The following TMEM132D variants were observed in gnomAD, a reference collection of about 807,000 sequenced individuals.
TMEM132D encodes the protein transmembrane protein 132D, also known as mature OL transmembrane protein.
A neutral mutation model predicts 62.3 loss-of-function variants in TMEM132D; 21 were observed. The observed-to-expected ratio is 0.34, with a 90% CI of 0.24 to 0.49. The LOEUF (loss-of-function observed/expected upper bound fraction) is 0.49. TMEM132D is among the 20% of genes least tolerant of loss of function. The pLI, the probability that TMEM132D is intolerant of heterozygous loss-of-function variation, is 0.99. For synonymous variants in TMEM132D, 621 were observed against 575.6 expected (o/e 1.08, Z -1.13); for missense variants, 1,346 against 1,402.8 (o/e 0.96, Z 0.65).
At chr12:129,111,718 C>A (rs1010410238) in intron 5 of TMEM132D, 5 of 152,216 alleles carry the variant, frequency 3.3e-5, no homozygotes, top group Admixed American at 6.5e-5. Context: ...AGTCTCTCAA[C>A]AAAAGCCTAG....
chr12:129,793,263 T>C (rs1035959838), intron 1 of TMEM132D, among the ~76,000 whole-genome samples: 14 of 152,174 alleles, frequency 9.2e-5, no homozygotes, highest in African/African-American at 3.1e-4. Flanking sequence ...AAGGATTCTC[T>C]AGTAATATAG....
chr12:129,131,070 C>T (rs987316883), intron 5 of TMEM132D, among the ~76,000 whole-genome samples: 10 of 152,142 alleles, frequency 6.6e-5, no homozygotes, highest in African/African-American at 2.4e-4. Flanking sequence ...ATTTGGGAGA[C>T]CTACTGGCAA....
chr12:129,770,145 T>TTG (rs1281588877), intron 1 of TMEM132D, among the ~76,000 whole-genome samples: 17 of 138,654 alleles, frequency 1.2e-4, no homozygotes, highest in Non-Finnish European at 1.7e-4. Context: ...TTTTGGTTGT[T>TTG]TTTTTTTTTT....
chr12:129,628,937 TCTC>T (rs1280887275), intron 2 of TMEM132D, among the ~76,000 whole-genome samples: 1 of 150,186 alleles, frequency 6.7e-6, no homozygotes, highest in African/African-American at 2.5e-5. Context: ...TTTCTCTCTC[TCTC>T]CTCTCTTTCT....
chr12:129,697,241 T>A (rs1593124225), intron 2 of TMEM132D, among the ~76,000 whole-genome samples: 1 of 152,174 alleles, frequency 6.6e-6, no homozygotes, highest in East Asian at 1.9e-4. Context: ...GGCTGGATCC[T>A]TGAGGGTTAT....
chr12:129,490,247 T>C (rs1874725346), intron 3 of TMEM132D, among the ~76,000 whole-genome samples: 1 of 152,124 alleles, frequency 6.6e-6, no homozygotes, highest in Non-Finnish European at 1.5e-5. Context: ...CAAAAAACTC[T>C]TCTACATCCA....
At chr12:129,415,841 C>A (rs1872104323) in intron 3 of TMEM132D, among the ~76,000 whole-genome samples, 1 of 152,200 alleles carries the variant, frequency 6.6e-6, no homozygotes, top group Non-Finnish European at 1.5e-5. Context: ...GCACCCAACC[C>A]TCCCTTTCCT....
At position 129,832,172 on chromosome 12, in the gene TMEM132D, C is replaced by T. The variant is rs149414627; in HGVS notation, c.79+71089G>A. On this transcript the variant is annotated intron_variant, in intron 1 of 8. Transcript: ENST00000422113. Reference sequence around the variant, plus strand: ...AAAGAGCTGGGATTACAGGTGTCAGCCACTGCACCTGGCCGTTTTGTAGCA... The same window carrying T: ...AAAGAGCTGGGATTACAGGTGTCAGTCACTGCACCTGGCCGTTTTGTAGCA... Among the ~76,000 whole-genome samples, 310 of 150,638 alleles carry T rather than the reference C, an allele frequency of 2.1e-3. 1 individual carries two copies. Among genetic ancestry groups the T allele is most frequent in the African/African-American group, 7.0e-3 (285 of 40,916 alleles).
At chr12:129,877,526 C>A (rs1382292011) in intron 1 of TMEM132D, among the ~76,000 whole-genome samples, 1 of 152,144 alleles carries the variant, frequency 6.6e-6, no homozygotes, top group East Asian at 1.9e-4. Flanking sequence ...CCACAGTCAG[C>A]CTGCAAACAG....
intron 2 of TMEM132D, among the ~76,000 whole-genome samples, chr12:129,675,848 G>A (rs570642247): frequency 1.1e-4 from 17 of 152,288 alleles, no homozygotes; most frequent in Non-Finnish European, 2.1e-4. Context: ...GCCCTGTGCT[G>A]GGATGGACTT....
At chr12:129,586,102 G>A (rs2137130804) in intron 2 of TMEM132D, among the ~76,000 whole-genome samples, 2 of 150,706 alleles carry the variant, frequency 1.3e-5, no homozygotes, top group Middle Eastern at 6.8e-3. Flanking sequence ...GCAGAGACAC[G>A]GCTATGTGTT....
intron 5 of TMEM132D, among the ~76,000 whole-genome samples, chr12:129,121,790 T>C (rs939256702): frequency 6.6e-6 from 1 of 152,176 alleles, no homozygotes; most frequent in Non-Finnish European, 1.5e-5. Flanking sequence ...CCAGGACACA[T>C]TTATGTTGGT....
chr12:129,298,569 T>A (rs10773633), intron 4 of TMEM132D, among the ~76,000 whole-genome samples: 2 of 151,972 alleles, frequency 1.3e-5, no homozygotes, highest in Admixed American at 6.6e-5. Flanking sequence ...TCCTCCTATC[T>A]GATTGTCACT....
chr12:129,078,607 T>G lies in TMEM132D; in HGVS notation c.2042A>C (p.Gln681Pro). The G allele has an allele frequency of 6.2e-7, 1 of 1,614,162 alleles. No homozygotes were observed. The highest frequency in any genetic ancestry group is 8.5e-7 in the Non-Finnish European group (1 of 1,180,022). The change falls in exon 8 of 9, where the codon CAG (glutamine) becomes CCG (proline). Residue 681 changes from glutamine (Q) to proline (P), a missense_variant. Physicochemically the swap from Gln to Pro is moderately conservative, Grantham distance 76. Coordinates refer to ENST00000422113, the MANE Select transcript of TMEM132D (RefSeq NM_133448.3). ...GGCCCTGTTGCTTCCTGGGCTGAGC[T>G]GCAAGGAGAGTGACAGCCCTGTCAC... ...QLVTGLSLSL[Q>P]LSPGSNRAIF...
At chr12:129,477,420 T>G (rs1874297492) in intron 3 of TMEM132D, among the ~76,000 whole-genome samples, 1 of 152,216 alleles carries the variant, frequency 6.6e-6, no homozygotes, top group Non-Finnish European at 1.5e-5. Context: ...AGGCATTTGT[T>G]AAAGTGTCCC....
chr12:129,721,644 C>A (rs921725159), intron 1 of TMEM132D, among the ~76,000 whole-genome samples: 1 of 152,138 alleles, frequency 6.6e-6, no homozygotes, highest in Non-Finnish European at 1.5e-5. Context: ...TCCAGGACTG[C>A]CTGCTGGGGG....
At chr12:129,616,008 GACC>G (rs1878907096) in intron 2 of TMEM132D, among the ~76,000 whole-genome samples, 1 of 152,036 alleles carries the variant, frequency 6.6e-6, no homozygotes, top group Non-Finnish European at 1.5e-5. Flanking sequence ...TGAAGAAACA[GACC>G]ACTAAGCAAA....
At chr12:129,797,268 G>A (rs1157971639) in intron 1 of TMEM132D, among the ~76,000 whole-genome samples, 1 of 152,158 alleles carries the variant, frequency 6.6e-6, no homozygotes, top group East Asian at 1.9e-4. Context: ...ACAGCTGAAT[G>A]TTTTCAGTTA....
At chr12:129,279,804 T>A (rs1881092948) in intron 4 of TMEM132D, among the ~76,000 whole-genome samples, 1 of 152,212 alleles carries the variant, frequency 6.6e-6, no homozygotes, top group South Asian at 2.1e-4. Flanking sequence ...GATCTCATGT[T>A]TTACGCAGCC....
Sources: gnomAD v4.1 joint callset for allele counts (sites outside exome capture counted in the v4.1 genomes callset) on GRCh38, gnomAD v4.1.1 for gene constraint, MANE v1.5 for transcripts, NCBI Gene and HGNC (gene_info 2026-07-23, HGNC 2026-07-21) for gene names.